UTRN: variants seen among roughly 807,000 people sequenced by gnomAD.
UTRN encodes utrophin.
Under a neutral mutation model 463.9 loss-of-function variants are expected in UTRN, and 283 were observed. That is an observed-to-expected ratio of 0.61 (90% CI 0.55 to 0.67). The LOEUF (loss-of-function observed/expected upper bound fraction) is 0.67. Among genes scored for constraint, UTRN ranks in the 30% least tolerant of loss-of-function variants. The pLI is 0.00. For synonymous variants in UTRN, 1,442 were observed against 1,431.5 expected, an observed-to-expected ratio of 1.01 and a Z score of -0.17; for missense variants, 3,922 against 4,084.3, an observed-to-expected ratio of 0.96 and a Z score of 1.08.
chr6:144,800,779 T>C (rs1256361916), intron 64 of UTRN, among the ~76,000 whole-genome samples: 1 of 152,074 alleles, frequency 6.6e-6, no homozygotes, highest in Non-Finnish European at 1.5e-5. Context: ...AACCTATGAG[T>C]GTGTTGTTGA....
intron 2 of UTRN, among the ~76,000 whole-genome samples, chr6:144,348,301 C>A (rs1159842120): frequency 6.6e-6 from 1 of 152,118 alleles, no homozygotes; most frequent in African/African-American, 2.4e-5. Context: ...TTTGATTCTT[C>A]CCCCGTGGAG....
chr6:144,561,210 T>TACATAC lies in UTRN; in HGVS notation c.7289+3900_7289+3901insCATACA, dbSNP rs1234463237. 8.7e-4 allele frequency among the ~76,000 whole-genome samples: 6 copies of TACATAC among 6,900 alleles called. No individual in the cohort carries two copies. The South Asian group carries it at 0.022, about 25-fold the overall frequency. The allele number at this position is 6,900 out of a possible 152,430, so 4.5% of individuals were successfully genotyped here. ...ACTCCAGGGCAAAAATAACATTATA[T>TACATAC]ATATATATATATATATATATATATA... On this transcript the variant is annotated intron_variant, in intron 50 of 74. Coordinates refer to ENST00000367545, the MANE Select transcript of UTRN (RefSeq NM_007124.3).
At chr6:144,738,340 A>G (rs780869393) in intron 54 of UTRN, among the ~76,000 whole-genome samples, 1 of 152,208 alleles carries the variant, frequency 6.6e-6, no homozygotes, top group Non-Finnish European at 1.5e-5. Context: ...TGCACAGTGA[A>G]GCTGTGCAAG....
chr6:144,642,519 A>G (rs1479851042), intron 51 of UTRN, among the ~76,000 whole-genome samples: 2 of 152,160 alleles, frequency 1.3e-5, no homozygotes, highest in South Asian at 2.1e-4. Context: ...AAATGGCTCC[A>G]TTCCTCCTGT....
At chr6:144,763,957 C>T (rs552314512) in intron 58 of UTRN, among the ~76,000 whole-genome samples, 6 of 152,158 alleles carry the variant, frequency 3.9e-5, no homozygotes, top group East Asian at 1.9e-4. Flanking sequence ...ACTCTTGGGC[C>T]GCACTTTGAA....
At chr6:144,758,186 A>C (rs1045902740) in intron 58 of UTRN, 197 bp downstream of exon 58, 1 of 443,130 alleles carries the variant, frequency 2.3e-6, no homozygotes, top group African/African-American at 2.0e-5. Context: ...TTAGGGATAT[A>C]GGTGTGTTTA....
intron 65 of UTRN, among the ~76,000 whole-genome samples, chr6:144,805,491 A>G (rs1778067986): frequency 6.6e-6 from 1 of 152,228 alleles, no homozygotes; most frequent in Admixed American, 6.5e-5. Context: ...TGTTTCAGAA[A>G]GAAGAAACAG....
chr6:144,548,123 T>C (rs1020079719), intron 46 of UTRN, among the ~76,000 whole-genome samples: 2 of 152,180 alleles, frequency 1.3e-5, no homozygotes, highest in African/African-American at 4.8e-5. Flanking sequence ...CAAAATACTC[T>C]ACATGAAAAG....
At chr6:144,508,595 A>G (rs943361593) in intron 34 of UTRN, among the ~76,000 whole-genome samples, 1 of 151,906 alleles carries the variant, frequency 6.6e-6, no homozygotes, top group African/African-American at 2.4e-5. Context: ...TGAACCAAGT[A>G]CCTCTGTTGG....
chr6:144,326,686 T>TA (rs1289545202), intron 2 of UTRN, among the ~76,000 whole-genome samples: 3 of 152,210 alleles, frequency 2.0e-5, no homozygotes, highest in African/African-American at 7.2e-5. Flanking sequence ...TTCTGGCTGA[T>TA]ACACCACTTT....
At position 144,700,176 on chromosome 6, in the gene UTRN, A is replaced by C. The variant is rs147885146; in HGVS notation, c.7742A>C (p.Glu2581Ala). Residue 2581 changes from glutamate to alanine, a missense_variant, in exon 53 of 75, where the codon GAG becomes GCG. Physicochemically the swap from Glu to Ala is moderately radical, Grantham distance 107. Coordinates refer to ENST00000367545, the MANE Select transcript of UTRN (RefSeq NM_007124.3). ...AAATGGCTGAATATGAAAGATGAAGAGCTTAAGAAACAAATGCCTATTGGA... is the reference window on the plus strand; with the variant it reads ...AAATGGCTGAATATGAAAGATGAAGCGCTTAAGAAACAAATGCCTATTGGA... Reference protein sequence around the residue: ...LIKWLNMKDEELKKQMPIGGD... With the variant: ...LIKWLNMKDEALKKQMPIGGD... 5.0e-6 allele frequency: 8 copies of C among 1,613,596 alleles called. No individual in the cohort carries two copies. In the African/African-American group the frequency reaches 1.1e-4, roughly 22 times the overall value.
chr6:144,363,508 A>G (rs902586082), intron 2 of UTRN, among the ~76,000 whole-genome samples: 2 of 152,224 alleles, frequency 1.3e-5, no homozygotes, highest in Non-Finnish European at 2.9e-5. Flanking sequence ...GACAGCGTCT[A>G]GGTCCCAACT....
chr6:144,442,032 TG>T (rs1787229552), intron 13 of UTRN, among the ~76,000 whole-genome samples: 2 of 152,194 alleles, frequency 1.3e-5, no homozygotes, highest in African/African-American at 4.8e-5. Flanking sequence ...CCTAGGCCTC[TG>T]GGCTTGTGAT....
chr6:144,403,839 T>C (rs956101613), intron 3 of UTRN, among the ~76,000 whole-genome samples: 3 of 152,204 alleles, frequency 2.0e-5, no homozygotes, highest in African/African-American at 7.2e-5. Context: ...GGTGTTGGAA[T>C]TTTGTGCACT....
intron 51 of UTRN, among the ~76,000 whole-genome samples, chr6:144,605,626 T>G (rs1032892285): frequency 6.6e-6 from 1 of 151,754 alleles, no homozygotes; most frequent in Non-Finnish European, 1.5e-5. Flanking sequence ...AACGCTACAG[T>G]CCTATTTCTT....
chr6:144,804,731 A>G (rs1354870245), intron 65 of UTRN, among the ~76,000 whole-genome samples: 4 of 152,118 alleles, frequency 2.6e-5, no homozygotes, highest in African/African-American at 9.7e-5. Flanking sequence ...ATCCTTCCTG[A>G]TGATTACATT....
intron 73 of UTRN, among the ~76,000 whole-genome samples, chr6:144,845,662 G>C (rs1052830335): frequency 6.6e-6 from 1 of 152,154 alleles, no homozygotes; most frequent in African/African-American, 2.4e-5. Flanking sequence ...GCATAACTCT[G>C]TCTGTTTTAA....
chr6:144,746,114 C>T (rs187236863), intron 54 of UTRN, among the ~76,000 whole-genome samples: 168 of 151,656 alleles, frequency 1.1e-3, no homozygotes, highest in African/African-American at 3.9e-3. Flanking sequence ...GATTCTTCTG[C>T]CTTAGCCTGC....
chr6:144,550,851 C>G, intron 47 of UTRN, 114 bp from the exon 48 acceptor site: 1 of 780,572 alleles, frequency 1.3e-6, no homozygotes, highest in Non-Finnish European at 1.9e-6. Context: ...TGATGCTTCA[C>G]TATGCCATAG....
Sources: gnomAD v4.1 joint callset for allele counts (sites outside exome capture counted in the v4.1 genomes callset) on GRCh38, gnomAD v4.1.1 for gene constraint, MANE v1.5 for transcripts, NCBI Gene and HGNC (gene_info 2026-07-23, HGNC 2026-07-21) for gene names.